Variants in CHEK2 observed in about 807,000 individuals in gnomAD.
The protein encoded by CHEK2 is checkpoint kinase 2, also known as serine/threonine-protein kinase Chk2.
In CHEK2, 71 loss-of-function variants were observed where a neutral mutation model predicts 69.1. The ratio of observed to expected loss-of-function variants is 1.03; its 90% CI spans 0.85 to 1.25. The LOEUF is 1.25. Ranked by LOEUF, CHEK2 falls within the 50% of genes most tolerant of loss-of-function variation. The pLI is 0.00. For synonymous variants in CHEK2, 189 were observed against 226.9 expected (o/e 0.83, Z 1.50); for missense variants, 664 against 649.6 (o/e 1.02, Z -0.24).
chr22:28,700,588 A>G (rs989741825), intron 8 of CHEK2, among the ~76,000 whole-genome samples: 1 of 152,070 alleles, frequency 6.6e-6, no homozygotes, highest in African/African-American at 2.4e-5. Context: ...GAATTTTACA[A>G]ACAGACAACC....
intron 7 of CHEK2, 61 bp downstream of exon 7, chr22:28,709,945 T>A (rs951221411): frequency 2.4e-5 from 24 of 1,001,420 alleles, no homozygotes; most frequent in Non-Finnish European, 3.6e-5. Context: ...TGAAAGGCTT[T>A]ATACTCTTCT....
chr22:28,694,145 T>G, intron 12 of CHEK2, 28 bp from the exon 13 acceptor site: 1 of 1,442,662 alleles, frequency 6.9e-7, no homozygotes, highest in Non-Finnish European at 9.6e-7. Context: ...CAAATCACAG[T>G]GAAAAGGATA....
At chr22:28,736,652 A>C (rs17882647) in intron 1 of CHEK2, among the ~76,000 whole-genome samples, 1,925 of 152,314 alleles carry the variant, frequency 0.013, 9 homozygotes, top group Middle Eastern at 0.031. Flanking sequence ...TTAGACTGTC[A>C]TAACAGGCTG....
At chr22:28,718,748 G>A (rs1303175771) in intron 5 of CHEK2, among the ~76,000 whole-genome samples, 3 of 151,796 alleles carry the variant, frequency 2.0e-5, no homozygotes, top group East Asian at 1.9e-4. Context: ...CAGGCACGGT[G>A]GTTCAAGCCC....
chr22:28,717,874 C>G (rs1329718399), intron 5 of CHEK2, among the ~76,000 whole-genome samples: 2 of 152,012 alleles, frequency 1.3e-5, no homozygotes, highest in Non-Finnish European at 2.9e-5. Context: ...AGAGACCACA[C>G]CATTGCCTGG....
chr22:28,727,960 G>A (rs1026121581), intron 2 of CHEK2: 1 of 152,120 alleles, frequency 6.6e-6, no homozygotes, highest in African/African-American at 2.4e-5. Flanking sequence ...GGACAATTTA[G>A]CAAGATCTAT....
intron 5 of CHEK2, among the ~76,000 whole-genome samples, chr22:28,715,332 G>A (rs1442201728): frequency 6.6e-6 from 1 of 152,120 alleles, no homozygotes; most frequent in Non-Finnish European, 1.5e-5. Context: ...AGACCATGAA[G>A]TAAAGCCTAA....
chr22:28,719,929 T>C (rs1240445407), intron 4 of CHEK2, among the ~76,000 whole-genome samples: 1 of 152,156 alleles, frequency 6.6e-6, no homozygotes, highest in African/African-American at 2.4e-5. Flanking sequence ...AGTATCACCA[T>C]ACGGGTATTA....
At chr22:28,689,351 C>G (rs1168381308) in intron 13 of CHEK2, 136 bp from the exon 14 acceptor site, 2 of 746,430 alleles carry the variant, frequency 2.7e-6, no homozygotes, top group African/African-American at 1.7e-5. Flanking sequence ...GAAGCTCCCA[C>G]AGCGAAGGCA....
At chr22:28,729,619 A>G (rs2054132444) in intron 2 of CHEK2, among the ~76,000 whole-genome samples, 1 of 151,862 alleles carries the variant, frequency 6.6e-6, no homozygotes, top group Non-Finnish European at 1.5e-5. Context: ...AATTAATATA[A>G]TACACGATAA....
chr22:28,726,907 T>A (rs558596929), intron 2 of CHEK2, among the ~76,000 whole-genome samples: 1 of 150,568 alleles, frequency 6.6e-6, no homozygotes, highest in Non-Finnish European at 1.5e-5. Flanking sequence ...CCCCCAAGAA[T>A]GCTGGGTTCA....
chr22:28,699,866 T>TA lies in CHEK2; in HGVS notation c.979dup (p.Tyr327LeufsTer14), dbSNP rs1555915392. 1 of 1,613,952 alleles carries TA rather than the reference T, an allele frequency of 6.2e-7. No individual in the cohort carries two copies. Among genetic ancestry groups the TA allele is most frequent in the Non-Finnish European group, 8.5e-7 (1 of 1,179,888 alleles). ...CACAGCCAAGAGCATCTGGTAAAAATAGAGCTTGCAGGTAGCTTCTTTCAG... is the reference window on the plus strand; with the variant it reads ...CACAGCCAAGAGCATCTGGTAAAAATAAGAGCTTGCAGGTAGCTTCTTTCAG... On this transcript the variant is annotated frameshift_variant, in exon 9 of 15. Coordinates refer to ENST00000404276, the MANE Select transcript of CHEK2 (RefSeq NM_007194.4). LOFTEE classifies it high-confidence loss of function.
intron 5 of CHEK2, 67 bp downstream of exon 5, chr22:28,719,328 T>G: frequency 2.7e-5 from 22 of 812,240 alleles, no homozygotes; most frequent in Non-Finnish European, 3.8e-5. Flanking sequence ...AAATCAGAAA[T>G]GAGAAACCAC....
intron 9 of CHEK2, among the ~76,000 whole-genome samples, chr22:28,698,228 T>TAAAAAAAAAAAAAAAAAAAAAAAAAA (rs398040472): frequency 3.7e-5 from 3 of 81,898 alleles, no homozygotes; most frequent in Admixed American, 1.4e-4. Flanking sequence ...CTATCTTTAC[T>TAAAAAAAAAAAAAAAAAAAAAAAAAA]AAAAAAAAAA....
intron 2 of CHEK2, among the ~76,000 whole-genome samples, chr22:28,726,516 TATAAC>T (rs1485142576): frequency 2.1e-5 from 3 of 146,040 alleles, no homozygotes; most frequent in Non-Finnish European, 4.5e-5. Flanking sequence ...TTATACACAA[TATAAC>T]ATATATTATA....
chr22:28,689,625 G>C (rs2052273279), intron 13 of CHEK2, among the ~76,000 whole-genome samples: 1 of 152,272 alleles, frequency 6.6e-6, no homozygotes, highest in Middle Eastern at 3.4e-3. Context: ...AATGAGGCCA[G>C]TCACCCAGAC....
chr22:28,725,217 T>C (rs2146065237), intron 3 of CHEK2, 26 bp downstream of exon 3: 2 of 1,614,066 alleles, frequency 1.2e-6, no homozygotes, highest in Non-Finnish European at 1.7e-6. Context: ...CCAGCTCTCC[T>C]AGATACATGG....
intron 11 of CHEK2, 55 bp from the exon 12 acceptor site, chr22:28,695,297 A>T: frequency 1.1e-6 from 1 of 941,024 alleles, no homozygotes; most frequent in South Asian, 1.3e-5. Flanking sequence ...TCTCAGTGGC[A>T]TTCAGATATA....
Position 28,711,890 on chromosome 22 carries a change from G to A in CHEK2, c.792+19C>T, listed in dbSNP as rs1057522960. The A allele has an allele frequency of 2.0e-6, 3 of 1,480,556 alleles. No individual in the cohort carries two copies. The highest frequency in any genetic ancestry group is 2.8e-5 in the African/African-American group (2 of 72,252). The allele number at this position is 1,480,556 out of a possible 1,614,324, so 91.7% of individuals were successfully genotyped here. A position where few individuals can be genotyped will look rare whatever the true frequency, so the allele number is the denominator to read the frequency against. ...AAGACGTGTTAATAAAAGGTGATCA[G>A]CCTTTTATTGGTACTTACTGCCTCT... On this transcript the variant is annotated intron_variant, in intron 6 of 14. Transcript: ENST00000404276.
Sources: allele counts gnomAD v4.1 joint callset (sites outside exome capture counted in the v4.1 genomes callset), GRCh38; gene constraint gnomAD v4.1.1; transcripts MANE v1.5; gene names NCBI Gene and HGNC (gene_info 2026-07-23, HGNC 2026-07-21).